The following CTBP2 variants were observed in gnomAD, a reference collection of about 807,000 sequenced individuals.
CTBP2 encodes C-terminal-binding protein 2.
In CTBP2, 30 loss-of-function variants were observed where a neutral mutation model predicts 80.3. The observed-to-expected ratio is 0.37, with a 90% CI of 0.28 to 0.51. CTBP2 has a LOEUF of 0.51. Ranked by LOEUF, CTBP2 falls within the 20% of genes least tolerant of loss-of-function variation. The probability of loss-of-function intolerance (pLI) is 0.93; values close to 1 mark genes in which losing one functional copy is unlikely to be tolerated. For missense variants in CTBP2, 1,212 were observed against 1,375.3 expected, an observed-to-expected ratio of 0.88 and a Z score of 1.88; for synonymous variants, 594 against 587.4, an observed-to-expected ratio of 1.01 and a Z score of -0.16.
intron 2 of CTBP2, among the ~76,000 whole-genome samples, chr10:125,051,866 C>A (rs1222643069): frequency 6.6e-6 from 1 of 152,064 alleles, no homozygotes; most frequent in Non-Finnish European, 1.5e-5. Flanking sequence ...CGAATATTCT[C>A]ATAAAAAGGA....
intron 1 of CTBP2, among the ~76,000 whole-genome samples, chr10:125,025,344 AAC>A (rs1264485685): frequency 6.6e-6 from 1 of 152,198 alleles, no homozygotes; most frequent in African/African-American, 2.4e-5. Context: ...TGTCCAAGGA[AAC>A]ACACGCCATA....
chr10:125,036,296 T>TGGGA (rs1958858961), intron 3 of CTBP2, among the ~76,000 whole-genome samples: 1 of 151,422 alleles, frequency 6.6e-6, no homozygotes, highest in Non-Finnish European at 1.5e-5. Flanking sequence ...GTACCTGGAG[T>TGGGA]GGGACCCTGG....
intron 3 of CTBP2, among the ~76,000 whole-genome samples, chr10:125,037,410 C>G (rs187042181): frequency 6.6e-6 from 1 of 152,204 alleles, no homozygotes; most frequent in Admixed American, 6.5e-5. Flanking sequence ...AGCTGAGTCA[C>G]GAGCGTGTTC....
intron 1 of CTBP2, among the ~76,000 whole-genome samples, chr10:125,127,073 G>A (rs146364093): frequency 2.0e-5 from 3 of 152,146 alleles, no homozygotes; most frequent in South Asian, 4.1e-4. Context: ...AGAAACAGCC[G>A]AGTGTTACAC....
intron 2 of CTBP2, among the ~76,000 whole-genome samples, chr10:125,100,929 T>C (rs1850520867): frequency 6.6e-6 from 1 of 152,248 alleles, no homozygotes; most frequent in African/African-American, 2.4e-5. Flanking sequence ...TGTCTTGTTA[T>C]TACTACTATT....
chr10:125,151,838 T>A (rs1423341551), intron 1 of CTBP2, among the ~76,000 whole-genome samples: 1 of 152,118 alleles, frequency 6.6e-6, no homozygotes, highest in Non-Finnish European at 1.5e-5. Flanking sequence ...GGCGTCTAGC[T>A]GGACCCCCGC....
intron 2 of CTBP2, among the ~76,000 whole-genome samples, chr10:125,076,788 G>T (rs76764192): frequency 0.067 from 10,149 of 152,288 alleles, 449 homozygotes; most frequent in Middle Eastern, 0.15. Flanking sequence ...GCAAGAGATG[G>T]CTCGTTCCTT....
chr10:125,051,839 TG>T (rs1469874342), intron 2 of CTBP2, among the ~76,000 whole-genome samples: 2 of 151,728 alleles, frequency 1.3e-5, no homozygotes, highest in African/African-American at 4.8e-5. Context: ...GTCATTAGAG[TG>T]GACTCTAATC....
intron 1 of CTBP2, among the ~76,000 whole-genome samples, chr10:125,148,280 A>T (rs1413344947): frequency 6.6e-6 from 1 of 152,130 alleles, no homozygotes; most frequent in Non-Finnish European, 1.5e-5. Flanking sequence ...CGGGGCCCCT[A>T]GAGCAAAACT....
intron 2 of CTBP2, among the ~76,000 whole-genome samples, chr10:125,053,798 G>A (rs1474860015): frequency 6.6e-6 from 1 of 152,158 alleles, no homozygotes; most frequent in African/African-American, 2.4e-5. Flanking sequence ...ACTTGGAAAA[G>A]GAGAGATGCC....
At position 125,027,234 on chromosome 10, in the gene CTBP2, C is replaced by G. The variant is rs775817587; in HGVS notation, c.526G>C (p.Gly176Arg). 1.9e-6 allele frequency: 3 copies of G among 1,613,422 alleles called. No individual in the cohort carries two copies. Among genetic ancestry groups the G allele is most frequent in the Non-Finnish European group, 2.5e-6 (3 of 1,179,976 alleles). Residue 176 changes from glycine (G) to arginine (R), a missense_variant, in exon 1 of 9, where the codon GGG becomes CGG. This residue lies in a region of CTBP2 where 848 missense variants were observed against 782.3 expected (regional missense o/e 1.08). Coordinates refer to ENST00000309035, the MANE Select transcript of CTBP2 (RefSeq NM_022802.3). ...GCAGCCCTGCTCTGTGTCTGCCGCC[C>G]CTGAGGGATCATTTTACCTCCAGGA...
intron 1 of CTBP2, among the ~76,000 whole-genome samples, chr10:125,126,798 T>G (rs1039561455): frequency 6.6e-6 from 1 of 152,166 alleles, no homozygotes; most frequent in Non-Finnish European, 1.5e-5. Flanking sequence ...CACACCACAT[T>G]CACATCTTCC....
rs771344772 is a variant in CTBP2 at position 125,027,178 on chromosome 10, G to C, written c.582C>G (p.Pro194=). ...GCACCTCCGCCCCATACCTGGTGTC[G>C]GGCTGCTCCCGTCCATACCGCCCGG... Residue 194 remains proline, a synonymous_variant, in exon 1 of 9, where the codon CCC becomes CCG. Coordinates refer to ENST00000309035, the MANE Select transcript of CTBP2 (RefSeq NM_022802.3). 11 of 1,605,690 alleles carry C rather than the reference G, an allele frequency of 6.9e-6. No homozygotes were observed. Among genetic ancestry groups the C allele is most frequent in the Non-Finnish European group, 9.4e-6 (11 of 1,173,760 alleles).
At chr10:124,999,834 G>A (rs1418590685) in intron 3 of CTBP2, 1 of 152,238 alleles carries the variant, frequency 6.6e-6, no homozygotes, top group African/African-American at 2.4e-5. Flanking sequence ...AAAATCTTTG[G>A]CGGCTGGGAC....
chr10:125,003,021 T>A lies in CTBP2; in HGVS notation c.1917A>T (p.Arg639Ser). 1 of 1,613,964 alleles carries A rather than the reference T, an allele frequency of 6.2e-7. No homozygotes were observed. The highest frequency in any genetic ancestry group is 8.5e-7 in the Non-Finnish European group (1 of 1,179,996). Residue 639 changes from arginine to serine, a missense_variant, in exon 3 of 9, where the codon AGA (arginine) becomes AGT (serine). Coordinates refer to ENST00000309035, the MANE Select transcript of CTBP2 (RefSeq NM_022802.3). Reference sequence around the variant, plus strand: ...AGCCACTGCCTATCCGCACGATCACTCTCAGGGCCTTGAACTTCTCCAGGT... The same window carrying A: ...AGCCACTGCCTATCCGCACGATCACACTCAGGGCCTTGAACTTCTCCAGGT...
chr10:125,059,786 C>T (rs1471048624), intron 2 of CTBP2, among the ~76,000 whole-genome samples: 1 of 152,168 alleles, frequency 6.6e-6, no homozygotes, highest in African/African-American at 2.4e-5. Flanking sequence ...CCGCCCACCC[C>T]CACCAGCTCC....
intron 1 of CTBP2, among the ~76,000 whole-genome samples, chr10:125,011,390 CAG>C (rs1955880709): frequency 6.6e-6 from 1 of 152,242 alleles, no homozygotes; most frequent in Non-Finnish European, 1.5e-5. Context: ...CAGCTGGACA[CAG>C]AGCTGGCGAG....
At chr10:125,128,419 C>T (rs371922863) in intron 1 of CTBP2, among the ~76,000 whole-genome samples, 4 of 151,920 alleles carry the variant, frequency 2.6e-5, no homozygotes, top group African/African-American at 9.7e-5. Context: ...CATTGGGAGG[C>T]GGGGGGAAGG....
intron 2 of CTBP2, among the ~76,000 whole-genome samples, chr10:125,080,077 C>G (rs1253924843): frequency 6.6e-6 from 1 of 152,190 alleles, no homozygotes; most frequent in Non-Finnish European, 1.5e-5. Flanking sequence ...TATTTATGCA[C>G]TTAATATCAC....
Sources: allele counts gnomAD v4.1 joint callset (sites outside exome capture counted in the v4.1 genomes callset), GRCh38; gene constraint gnomAD v4.1.1; regional missense constraint gnomAD v4.1.1; transcripts MANE v1.5; gene names NCBI Gene and HGNC (gene_info 2026-07-23, HGNC 2026-07-21).